NTM: variants seen among roughly 807,000 people sequenced by gnomAD.
NTM encodes IgLON family member 2.
In NTM, 13 loss-of-function variants were observed where a neutral mutation model predicts 42.1. The observed-to-expected ratio is 0.31, with a 90% CI of 0.20 to 0.49. The LOEUF (loss-of-function observed/expected upper bound fraction) is 0.49, where lower values mean the gene tolerates loss of function less well. Ranked by LOEUF, NTM falls within the 20% of genes least tolerant of loss-of-function variation. The pLI is 0.99. For missense variants in NTM, 373 were observed against 452.8 expected (o/e 0.82, Z 1.60); for synonymous variants, 187 against 179.2 (o/e 1.04, Z -0.35).
chr11:131,609,375 C>T (rs544475381), intron 1 of NTM, among the ~76,000 whole-genome samples: 1 of 152,196 alleles, frequency 6.6e-6, no homozygotes, highest in Non-Finnish European at 1.5e-5. Context: ...GTCATTTAAA[C>T]CCAGACAGGA....
At chr11:131,889,366 C>T (rs1006365745) in intron 1 of NTM, among the ~76,000 whole-genome samples, 6 of 152,198 alleles carry the variant, frequency 3.9e-5, no homozygotes, top group African/African-American at 1.4e-4. Context: ...GCTCTGATGG[C>T]CACACCCCAG....
At chr11:132,249,102 A>G (rs757813849) in intron 4 of NTM, among the ~76,000 whole-genome samples, 5 of 152,160 alleles carry the variant, frequency 3.3e-5, no homozygotes, top group Non-Finnish European at 5.9e-5. Flanking sequence ...TACCTCTGAA[A>G]GTGATTTTGG....
At chr11:131,667,883 G>A (rs1592449644) in intron 1 of NTM, among the ~76,000 whole-genome samples, 1 of 152,312 alleles carries the variant, frequency 6.6e-6, no homozygotes, top group Non-Finnish European at 1.5e-5. Context: ...ACTGCCTGGA[G>A]ACACCCTCTC....
At chr11:131,422,271 G>A (rs980981088) in intron 1 of NTM, among the ~76,000 whole-genome samples, 2 of 152,186 alleles carry the variant, frequency 1.3e-5, no homozygotes, top group African/African-American at 4.8e-5. Flanking sequence ...TCAATCTGCT[G>A]CCTGCCTTCT....
intron 1 of NTM, among the ~76,000 whole-genome samples, chr11:131,530,514 A>G (rs1286641705): frequency 2.0e-5 from 3 of 151,694 alleles, no homozygotes; most frequent in African/African-American, 7.3e-5. Flanking sequence ...AAAAGGAGGG[A>G]AGGGAAAACA....
chr11:131,590,576 C>G (rs1215865579), intron 1 of NTM, among the ~76,000 whole-genome samples: 1 of 152,200 alleles, frequency 6.6e-6, no homozygotes, highest in African/African-American at 2.4e-5. Flanking sequence ...TGGATGGCTT[C>G]TTAATGTCCC....
intron 1 of NTM, among the ~76,000 whole-genome samples, chr11:131,597,260 G>A (rs2059892374): frequency 6.6e-6 from 1 of 152,134 alleles, no homozygotes; most frequent in African/African-American, 2.4e-5. Context: ...CACGTGGGAG[G>A]TTCAAGCTGT....
intron 2 of NTM, among the ~76,000 whole-genome samples, chr11:131,975,539 A>AG (rs983442883): frequency 2.0e-5 from 3 of 146,860 alleles, no homozygotes; most frequent in Non-Finnish European, 3.0e-5. Context: ...ATGTTAGGGG[A>AG]GGGGGGAAAA....
At chr11:131,931,952 C>T (rs552383235) in intron 2 of NTM, among the ~76,000 whole-genome samples, 38 of 152,318 alleles carry the variant, frequency 2.5e-4, no homozygotes, top group African/African-American at 8.4e-4. Context: ...TTGTGCGTGG[C>T]CTTCACGAGT....
rs574181999 is a variant in NTM at position 132,278,829 on chromosome 11, A to G, written c.527-28860A>G. ...AATCTCCAGGGTGGCTCTGATACAGATCCTTTCTTTGTTCACTCTACGCTC... is the reference window on the plus strand; with the variant it reads ...AATCTCCAGGGTGGCTCTGATACAGGTCCTTTCTTTGTTCACTCTACGCTC... On this transcript the variant is annotated intron_variant, in intron 4 of 8. Coordinates refer to ENST00000683400, the MANE Select transcript of NTM (RefSeq NM_001352005.2). Among the ~76,000 whole-genome samples, 7 of 148,888 alleles carry G rather than the reference A, an allele frequency of 4.7e-5. No individual in the cohort carries two copies. In the South Asian group the frequency reaches 1.5e-3, roughly 32 times the overall value.
At chr11:131,701,765 G>A (rs2076096077) in intron 1 of NTM, among the ~76,000 whole-genome samples, 1 of 152,118 alleles carries the variant, frequency 6.6e-6, no homozygotes, top group African/African-American at 2.4e-5. Flanking sequence ...CTAGACAAAT[G>A]CAAGGCTGTC....
chr11:131,642,368 G>C (rs986733790), intron 1 of NTM, among the ~76,000 whole-genome samples: 3 of 152,156 alleles, frequency 2.0e-5, no homozygotes, highest in Non-Finnish European at 2.9e-5. Flanking sequence ...CTTGTCAAAA[G>C]AATAACAATT....
At chr11:132,191,822 A>G (rs1333822922) in intron 3 of NTM, among the ~76,000 whole-genome samples, 1 of 152,232 alleles carries the variant, frequency 6.6e-6, no homozygotes, top group African/African-American at 2.4e-5. Context: ...TTTAGAAAGA[A>G]CCAAACTGAA....
At chr11:131,598,947 T>C (rs2137394213) in intron 1 of NTM, among the ~76,000 whole-genome samples, 1 of 144,974 alleles carries the variant, frequency 6.9e-6, no homozygotes, top group East Asian at 2.0e-4. Flanking sequence ...AGAGTCTCGC[T>C]CTTGTCACCC....
intron 3 of NTM, among the ~76,000 whole-genome samples, chr11:132,193,846 A>T (rs539573782): frequency 1.6e-4 from 24 of 152,306 alleles, no homozygotes; most frequent in African/African-American, 5.5e-4. Context: ...ACTTCTATGC[A>T]CACAAACTAA....
intron 2 of NTM, among the ~76,000 whole-genome samples, chr11:132,139,464 A>G (rs7926695): frequency 0.85 from 129,540 of 152,158 alleles, 55,653 homozygotes; most frequent in Non-Finnish European, 0.91. Context: ...CATTCATTTC[A>G]GAAAAGTCAC....
intron 1 of NTM, among the ~76,000 whole-genome samples, chr11:131,491,614 T>C (rs1219149512): frequency 1.3e-5 from 2 of 152,172 alleles, no homozygotes; most frequent in African/African-American, 2.4e-5. Flanking sequence ...TGTGAACATA[T>C]TAACTAATAA....
intron 4 of NTM, among the ~76,000 whole-genome samples, chr11:132,258,051 A>G (rs1351850688): frequency 6.6e-6 from 1 of 152,232 alleles, no homozygotes; most frequent in Non-Finnish European, 1.5e-5. Context: ...TTTCTAACAC[A>G]GCCCTTCTCA....
chr11:132,102,461 G>A (rs890881946), intron 2 of NTM, among the ~76,000 whole-genome samples: 2 of 152,154 alleles, frequency 1.3e-5, no homozygotes, highest in African/African-American at 2.4e-5. Flanking sequence ...GACACACAAC[G>A]TGCTGTGCCA....
Sources: allele counts gnomAD v4.1 joint callset (sites outside exome capture counted in the v4.1 genomes callset), GRCh38; gene constraint gnomAD v4.1.1; transcripts MANE v1.5; gene names NCBI Gene and HGNC (gene_info 2026-07-23, HGNC 2026-07-21).